ZSWIM6: variants seen among roughly 807,000 people sequenced by gnomAD.
ZSWIM6 encodes zinc finger SWIM-type containing 6.
ZSWIM6 carries 9 observed loss-of-function variants against 113.2 expected under a neutral mutation model. The ratio of observed to expected loss-of-function variants is 0.08; its 90% CI spans 0.05 to 0.14. ZSWIM6 has a LOEUF of 0.14. ZSWIM6 is among the 10% of genes least tolerant of loss of function. ZSWIM6 has a pLI of 1.00. For missense variants in ZSWIM6, 1,162 were observed against 1,552.2 expected, an observed-to-expected ratio of 0.75 and a Z score of 4.22; for synonymous variants, 611 against 606.5, an observed-to-expected ratio of 1.01 and a Z score of -0.11.
At chr5:61,532,621 TAAAAG>T (rs1475175222) in intron 9 of ZSWIM6, among the ~76,000 whole-genome samples, 1 of 152,208 alleles carries the variant, frequency 6.6e-6, no homozygotes, top group African/African-American at 2.4e-5. Context: ...AAGATCTACT[TAAAAG>T]AAAACATTTT....
chr5:61,521,789 A>T (rs1749132569), intron 5 of ZSWIM6, among the ~76,000 whole-genome samples: 1 of 152,208 alleles, frequency 6.6e-6, no homozygotes, highest in Admixed American at 6.5e-5. Flanking sequence ...CTTTTAAAAC[A>T]AACTGTCAAG....
chr5:61,425,051 GTTAA>G (rs1415244206), intron 1 of ZSWIM6, among the ~76,000 whole-genome samples: 1 of 152,114 alleles, frequency 6.6e-6, no homozygotes, highest in African/African-American at 2.4e-5. Context: ...ACTTTAGCAA[GTTAA>G]TTAAACTCTC....
At chr5:61,342,465 G>A (rs920375815) in intron 1 of ZSWIM6, among the ~76,000 whole-genome samples, 1 of 152,224 alleles carries the variant, frequency 6.6e-6, no homozygotes, top group Non-Finnish European at 1.5e-5. Flanking sequence ...TGAGGAAACC[G>A]AAACACAGGG....
At chr5:61,333,009 G>GGGGGCCC in intron 1 of ZSWIM6, 61 bp downstream of exon 1, 1 of 439,890 alleles carries the variant, frequency 2.3e-6, no homozygotes, top group Non-Finnish European at 3.2e-6. Context: ...TGGGGGGGGG[G>GGGGGCCC]TGCCCGCCTT....
chr5:61,361,416 A>G (rs1011147590), intron 1 of ZSWIM6, among the ~76,000 whole-genome samples: 2 of 152,174 alleles, frequency 1.3e-5, no homozygotes, highest in Admixed American at 6.5e-5. Context: ...GATAATTTTT[A>G]AGGCCCGTTT....
chr5:61,391,587 G>C (rs1454406992), intron 1 of ZSWIM6: 2 of 906,390 alleles, frequency 2.2e-6, no homozygotes, highest in Non-Finnish European at 3.7e-6. Context: ...GGCCTCGAGG[G>C]GTTTCCACGA....
chr5:61,380,225 G>A lies in ZSWIM6; in HGVS notation c.676+47277G>A, dbSNP rs549254040. ...CGAGTAGCTGGGATTACAGGCACCC[G>A]CCACCACGCCCAGCTAATTTTTGTA... On this transcript the variant is annotated intron_variant, in intron 1 of 13. Transcript: ENST00000252744. Among the ~76,000 whole-genome samples, 15 of 152,090 alleles carry A rather than the reference G, an allele frequency of 9.9e-5. No homozygotes were observed. The East Asian group carries it at 2.5e-3, about 26-fold the overall frequency.
chr5:61,343,470 T>C (rs753085543), intron 1 of ZSWIM6, among the ~76,000 whole-genome samples: 2 of 152,228 alleles, frequency 1.3e-5, no homozygotes, highest in Non-Finnish European at 2.9e-5. Context: ...TCTTACGTAA[T>C]TACAATCAGT....
In ZSWIM6 at chr5:61,344,445, A is replaced by G. The variant is rs1025680377; in HGVS notation, c.676+11497A>G. On this transcript the variant is annotated intron_variant, in intron 1 of 13. Transcript: ENST00000252744. ...GCAGGTGCGGAAGACTGTGAACTCAACTTGCCTCACAGCTCCAGTTTGTTC... is the reference window on the plus strand; with the variant it reads ...GCAGGTGCGGAAGACTGTGAACTCAGCTTGCCTCACAGCTCCAGTTTGTTC... 4.6e-5 allele frequency among the ~76,000 whole-genome samples: 7 copies of G among 152,234 alleles called. No homozygotes were observed. In the South Asian group the frequency reaches 1.0e-3, roughly 23 times the overall value.
At chr5:61,474,057 C>T (rs1263806508) in intron 2 of ZSWIM6, among the ~76,000 whole-genome samples, 2 of 152,118 alleles carry the variant, frequency 1.3e-5, no homozygotes, top group East Asian at 1.9e-4. Flanking sequence ...AAATAGATGG[C>T]TCTTATCACT....
intron 2 of ZSWIM6, among the ~76,000 whole-genome samples, chr5:61,489,377 A>G (rs146754661): frequency 1.1e-3 from 164 of 152,130 alleles, no homozygotes; most frequent in African/African-American, 3.7e-3. Context: ...ACATTTATAT[A>G]TATGATTATT....
chr5:61,539,450 G>A, intron 11 of ZSWIM6, 146 bp from the exon 12 acceptor site: 3 of 940,836 alleles, frequency 3.2e-6, no homozygotes, highest in Non-Finnish European at 4.6e-6. Context: ...CTGTGAACAT[G>A]TTAGGTAAAT....
intron 1 of ZSWIM6, among the ~76,000 whole-genome samples, chr5:61,356,791 A>G (rs1171001866): frequency 7.0e-6 from 1 of 141,862 alleles, no homozygotes; most frequent in Non-Finnish European, 1.5e-5. Context: ...AATATTTTAT[A>G]TATAATATAA....
At chr5:61,481,668 A>G (rs2112199473) in intron 2 of ZSWIM6, among the ~76,000 whole-genome samples, 1 of 152,026 alleles carries the variant, frequency 6.6e-6, no homozygotes, top group Admixed American at 6.6e-5. Context: ...TCAGAACCAA[A>G]TCAAGCAGTA....
At chr5:61,521,764 A>G (rs1217565426) in intron 5 of ZSWIM6, among the ~76,000 whole-genome samples, 1 of 152,170 alleles carries the variant, frequency 6.6e-6, no homozygotes, top group Non-Finnish European at 1.5e-5. Context: ...ATGGAGTAGG[A>G]TGGTTAATAT....
intron 3 of ZSWIM6, among the ~76,000 whole-genome samples, chr5:61,493,565 A>ACTT (rs1748237810): frequency 6.6e-6 from 1 of 152,122 alleles, no homozygotes; most frequent in East Asian, 1.9e-4. Context: ...CTCTGATGGT[A>ACTT]AGTACAATCA....
intron 5 of ZSWIM6, 150 bp downstream of exon 5, chr5:61,521,592 A>C (rs1444964496): frequency 6.8e-5 from 35 of 516,560 alleles, no homozygotes; most frequent in Non-Finnish European, 2.5e-5. Context: ...CTGTGAGTGT[A>C]TGTGTGTCTG....
Position 61,417,462 on chromosome 5 carries a change from A to G in ZSWIM6, c.677-55219A>G, listed in dbSNP as rs143786729. Among the ~76,000 whole-genome samples the G allele has an allele frequency of 9.3e-4, 142 of 152,250 alleles. 1 individual carries two copies. In the East Asian group the frequency reaches 0.024, roughly 26 times the overall value. ...TAGAAATGCTGTTTTTTCTTTTCCT[A>G]TGGGTACTGTTTTTAGGTATGGTTA... On this transcript the variant is annotated intron_variant, in intron 1 of 13. Coordinates refer to ENST00000252744, the MANE Select transcript of ZSWIM6 (RefSeq NM_020928.2).
chr5:61,394,523 T>C (rs1745799589), intron 1 of ZSWIM6, among the ~76,000 whole-genome samples: 1 of 152,170 alleles, frequency 6.6e-6, no homozygotes. Flanking sequence ...TCAGACCTTT[T>C]CCCCATCTTC....
Sources: gnomAD v4.1 joint callset for allele counts (sites outside exome capture counted in the v4.1 genomes callset) on GRCh38, gnomAD v4.1.1 for gene constraint, MANE v1.5 for transcripts, NCBI Gene and HGNC (gene_info 2026-07-23, HGNC 2026-07-21) for gene names.